SCFD2: variants seen among roughly 807,000 people sequenced by gnomAD.
The protein encoded by SCFD2 is sec1 family domain-containing protein 2.
Under a neutral mutation model 58.9 loss-of-function variants are expected in SCFD2, and 54 were observed. The ratio of observed to expected loss-of-function variants is 0.92; its 90% CI spans 0.74 to 1.15. The LOEUF (loss-of-function observed/expected upper bound fraction) is 1.15, where lower values mean the gene tolerates loss of function less well. Among genes scored for constraint, SCFD2 ranks in the 50% most tolerant of loss-of-function variants. SCFD2 has a pLI of 0.00. For synonymous variants in SCFD2, 321 were observed against 335.9 expected (o/e 0.96, Z 0.49); for missense variants, 805 against 836.6 (o/e 0.96, Z 0.47).
At chr4:53,283,555 C>T (rs1242581760) in intron 3 of SCFD2, among the ~76,000 whole-genome samples, 4 of 151,954 alleles carry the variant, frequency 2.6e-5, no homozygotes, top group African/African-American at 9.7e-5. Flanking sequence ...TATCCTCACA[C>T]ATTTTACATT....
chr4:53,363,123 T>C (rs1379770905), intron 1 of SCFD2, among the ~76,000 whole-genome samples: 2 of 151,622 alleles, frequency 1.3e-5, no homozygotes, highest in African/African-American at 4.8e-5. Context: ...ATTTTGCAAA[T>C]CATTCTTTTT....
At chr4:52,907,664 G>C in intron 6 of SCFD2, 73 bp from the exon 7 acceptor site, 1 of 1,470,416 alleles carries the variant, frequency 6.8e-7, no homozygotes, top group Non-Finnish European at 9.5e-7. Context: ...TATCTGCAAT[G>C]AAGAAAGCAA....
At chr4:53,298,322 C>A (rs1270216994) in intron 3 of SCFD2, among the ~76,000 whole-genome samples, 1 of 152,212 alleles carries the variant, frequency 6.6e-6, no homozygotes, top group Non-Finnish European at 1.5e-5. Context: ...TCAGAGGGTC[C>A]TATACCCATG....
At chr4:53,285,148 C>G (rs191364366) in intron 3 of SCFD2, among the ~76,000 whole-genome samples, 5 of 152,142 alleles carry the variant, frequency 3.3e-5, no homozygotes, top group African/African-American at 1.2e-4. Context: ...CAGCTCTCTC[C>G]GAAGTTATAC....
chr4:52,944,213 CTT>C (rs1241953892), intron 5 of SCFD2, among the ~76,000 whole-genome samples: 4 of 152,288 alleles, frequency 2.6e-5, no homozygotes, highest in African/African-American at 9.6e-5. Flanking sequence ...TGAGAATTCT[CTT>C]GTTTCTTTAT....
At chr4:53,357,812 G>A (rs777959704) in intron 1 of SCFD2, among the ~76,000 whole-genome samples, 5 of 152,168 alleles carry the variant, frequency 3.3e-5, no homozygotes, top group East Asian at 1.9e-4. Flanking sequence ...GCTAACTTCC[G>A]GACACACCAT....
chr4:52,990,226 A>T (rs1184751353), intron 5 of SCFD2, among the ~76,000 whole-genome samples: 2 of 152,254 alleles, frequency 1.3e-5, no homozygotes, highest in Admixed American at 6.5e-5. Flanking sequence ...GTTTTCTTAC[A>T]TTTAATATCG....
intron 2 of SCFD2, among the ~76,000 whole-genome samples, chr4:53,315,385 G>A (rs1182727497): frequency 5.9e-5 from 9 of 152,092 alleles, no homozygotes; most frequent in Admixed American, 4.6e-4. Context: ...CAAGGTGCAC[G>A]GGGAGGGGCA....
chr4:52,974,498 C>T (rs1721198211), intron 5 of SCFD2, among the ~76,000 whole-genome samples: 1 of 152,090 alleles, frequency 6.6e-6, no homozygotes, highest in Non-Finnish European at 1.5e-5. Flanking sequence ...AACTACAAAC[C>T]ACTGCTCAAG....
intron 2 of SCFD2, among the ~76,000 whole-genome samples, chr4:53,324,457 G>A (rs1314971565): frequency 6.8e-6 from 1 of 148,032 alleles, no homozygotes; most frequent in Non-Finnish European, 1.5e-5. Context: ...AGGATACATA[G>A]GGACAGAAAT....
chr4:52,898,815 T>C (rs992368871), intron 7 of SCFD2, among the ~76,000 whole-genome samples: 7 of 152,218 alleles, frequency 4.6e-5, no homozygotes, highest in South Asian at 2.1e-4. Context: ...TCTAAGGACT[T>C]GCTTTATGAA....
intron 5 of SCFD2, among the ~76,000 whole-genome samples, chr4:53,127,549 G>A (rs921768813): frequency 3.9e-5 from 6 of 152,112 alleles, no homozygotes; most frequent in Admixed American, 6.5e-5. Flanking sequence ...TTCACTTTAC[G>A]ACACACAATG....
chr4:53,173,341 C>T (rs1386819792), intron 4 of SCFD2, among the ~76,000 whole-genome samples: 3 of 152,108 alleles, frequency 2.0e-5, no homozygotes, highest in Admixed American at 1.3e-4. Flanking sequence ...CTTTTGCACC[C>T]TGATAAAGTC....
chr4:53,323,501 C>A (rs537568678), intron 2 of SCFD2, among the ~76,000 whole-genome samples: 1 of 149,152 alleles, frequency 6.7e-6, no homozygotes, highest in South Asian at 2.2e-4. Flanking sequence ...GTAGCCAGGA[C>A]TACAGGTGCA....
At chr4:53,159,092 A>T (rs1726776398) in intron 4 of SCFD2, among the ~76,000 whole-genome samples, 1 of 152,170 alleles carries the variant, frequency 6.6e-6, no homozygotes, top group Admixed American at 6.5e-5. Flanking sequence ...TTTTATTCCT[A>T]ATCCCATCTC....
At chr4:53,244,699 G>T (rs1238254563) in intron 4 of SCFD2, among the ~76,000 whole-genome samples, 1 of 151,656 alleles carries the variant, frequency 6.6e-6, no homozygotes, top group East Asian at 1.9e-4. Flanking sequence ...AGAAGCAAGA[G>T]AAAACCAACT....
At chr4:53,309,332 A>C (rs1732615942) in intron 3 of SCFD2, among the ~76,000 whole-genome samples, 2 of 152,246 alleles carry the variant, frequency 1.3e-5, no homozygotes, top group African/African-American at 4.8e-5. Flanking sequence ...CATCGTATTT[A>C]ATTAGGAAAA....
At chr4:53,113,912 G>A (rs918039272) in intron 5 of SCFD2, among the ~76,000 whole-genome samples, 3 of 151,936 alleles carry the variant, frequency 2.0e-5, no homozygotes, top group African/African-American at 7.3e-5. Flanking sequence ...TCTCACTGTT[G>A]TGAGAAGGCA....
intron 4 of SCFD2, among the ~76,000 whole-genome samples, chr4:53,153,171 G>T (rs907943105): frequency 6.6e-6 from 1 of 152,148 alleles, no homozygotes. Flanking sequence ...ATCTGTGTGG[G>T]GGCACCAACC....
Sources: gnomAD v4.1 joint callset for allele counts (sites outside exome capture counted in the v4.1 genomes callset) on GRCh38, gnomAD v4.1.1 for gene constraint, MANE v1.5 for transcripts, NCBI Gene and HGNC (gene_info 2026-07-23, HGNC 2026-07-21) for gene names.